SLC2A12: variants seen among roughly 807,000 people sequenced by gnomAD.
The protein encoded by SLC2A12 is solute carrier family 2 member 12.
SLC2A12 carries 23 observed loss-of-function variants against 41.8 expected under a neutral mutation model. The ratio of observed to expected loss-of-function variants is 0.55; its 90% confidence interval spans 0.40 to 0.78. The LOEUF is 0.78. SLC2A12 is among the 30% of genes least tolerant of loss of function. The pLI, the probability that SLC2A12 is intolerant of heterozygous loss-of-function variation, is 0.00. For missense variants in SLC2A12, 654 were observed against 745.6 expected (o/e 0.88, Z 1.43); for synonymous variants, 295 against 285.9 (o/e 1.03, Z -0.32).
At chr6:134,052,227 G>A in intron 1 of SLC2A12, 151 bp downstream of exon 1, 4 of 597,506 alleles carry the variant, frequency 6.7e-6, no homozygotes, top group Non-Finnish European at 1.1e-5. Flanking sequence ...CTCATCCAGC[G>A]CGCCCACATG....
intron 1 of SLC2A12, among the ~76,000 whole-genome samples, chr6:134,050,022 A>G (rs1464641829): frequency 6.6e-6 from 1 of 152,234 alleles, no homozygotes; most frequent in Non-Finnish European, 1.5e-5. Flanking sequence ...AATGTCTTAA[A>G]TGAAAACTAT....
intron 2 of SLC2A12, among the ~76,000 whole-genome samples, chr6:134,008,325 T>C (rs1228349594): frequency 2.0e-5 from 3 of 152,184 alleles, no homozygotes; most frequent in Non-Finnish European, 2.9e-5. Context: ...AAAAACTAAA[T>C]TGGATTGCAG....
At chr6:134,044,355 G>T (rs972248265) in intron 1 of SLC2A12, among the ~76,000 whole-genome samples, 1 of 152,120 alleles carries the variant, frequency 6.6e-6, no homozygotes, top group African/African-American at 2.4e-5. Flanking sequence ...CTCAGTATTT[G>T]CTGAATGGTT....
At chr6:134,022,561 AAGAAAAG>A (rs1777057826) in intron 2 of SLC2A12, among the ~76,000 whole-genome samples, 1 of 83,686 alleles carries the variant, frequency 1.2e-5, no homozygotes. Flanking sequence ...AAGAAAAGAA[AAGAAAAG>A]AAAAGAAAAG....
Position 134,052,366 on chromosome 6 carries a change from G to A in SLC2A12, c.103+12C>T, listed in dbSNP as rs568971594. The A allele has an allele frequency of 4.4e-6, 7 of 1,608,586 alleles. No homozygotes were observed. In the East Asian group the frequency reaches 1.6e-4, roughly 36 times the overall value. On this transcript the variant is annotated intron_variant, in intron 1 of 4. Coordinates refer to ENST00000275230, the MANE Select transcript of SLC2A12 (RefSeq NM_145176.3). ...TCTCTGCGGTCACCCGAGCACTGCAGGCTCACTTTACCTCTCGCCCAGGGA... is the reference window on the plus strand; with the variant it reads ...TCTCTGCGGTCACCCGAGCACTGCAAGCTCACTTTACCTCTCGCCCAGGGA...
At chr6:134,032,117 A>C (rs1011714252) in intron 1 of SLC2A12, among the ~76,000 whole-genome samples, 1 of 152,002 alleles carries the variant, frequency 6.6e-6, no homozygotes, top group African/African-American at 2.4e-5. Flanking sequence ...AAGCAGGTCA[A>C]ATAAAGGTGA....
chr6:134,001,625 T>C (rs1776755227), intron 4 of SLC2A12, among the ~76,000 whole-genome samples: 2 of 152,158 alleles, frequency 1.3e-5, no homozygotes, highest in African/African-American at 4.8e-5. Flanking sequence ...GCATTACAGT[T>C]TGATGATAAT....
chr6:134,027,067 C>A (rs1483263588), intron 2 of SLC2A12, among the ~76,000 whole-genome samples: 5 of 152,114 alleles, frequency 3.3e-5, no homozygotes, highest in Non-Finnish European at 5.9e-5. Flanking sequence ...GGTTGCTGAC[C>A]AGAAGGAGGC....
chr6:133,997,708 T>G (rs1175825813), intron 4 of SLC2A12, among the ~76,000 whole-genome samples: 1 of 152,168 alleles, frequency 6.6e-6, no homozygotes. Context: ...CTATGTTCAC[T>G]ACCTGGGTGA....
In SLC2A12 at chr6:134,031,220, C is replaced by T. The variant is rs538418578; in HGVS notation, c.104-1499G>A. On this transcript the variant is annotated intron_variant, in intron 1 of 4. Transcript: ENST00000275230. ...CAGCCTGGCCAACATGGCAAAACCC[C>T]ATCACTATTAAAAGTACAAAAATAG... is the stretch of plus-strand genomic sequence containing the variant. Among the ~76,000 whole-genome samples, 5 of 152,162 alleles carry T rather than the reference C, an allele frequency of 3.3e-5. No individual in the cohort carries two copies. The East Asian group carries it at 9.7e-4, about 29-fold the overall frequency.
intron 1 of SLC2A12, among the ~76,000 whole-genome samples, chr6:134,043,988 C>T (rs138023983): frequency 6.6e-6 from 1 of 152,128 alleles, no homozygotes; most frequent in Non-Finnish European, 1.5e-5. Context: ...TCTGTGCTCC[C>T]AGAATTCCGA....
At chr6:134,000,296 C>A (rs1180662343) in intron 4 of SLC2A12, among the ~76,000 whole-genome samples, 1 of 151,874 alleles carries the variant, frequency 6.6e-6, no homozygotes, top group Non-Finnish European at 1.5e-5. Context: ...AAAATTTAGA[C>A]CATCTAAAAG....
At chr6:133,997,405 A>G (rs1233145025) in intron 4 of SLC2A12, among the ~76,000 whole-genome samples, 1 of 152,254 alleles carries the variant, frequency 6.6e-6, no homozygotes, top group Non-Finnish European at 1.5e-5. Context: ...GAATCAACCC[A>G]GGTGTCCATG....
intron 1 of SLC2A12, among the ~76,000 whole-genome samples, chr6:134,044,225 A>G (rs1483512165): frequency 2.0e-5 from 3 of 152,064 alleles, no homozygotes; most frequent in Non-Finnish European, 2.9e-5. Flanking sequence ...TCCTCCATCA[A>G]AGGATTCCTG....
chr6:134,028,474 T>G lies in SLC2A12; in HGVS notation c.1351A>C (p.Thr451Pro), dbSNP rs768167177. 5 of 1,614,212 alleles carry G rather than the reference T, an allele frequency of 3.1e-6. No individual in the cohort carries two copies. The South Asian group carries it at 4.4e-5, about 14-fold the overall frequency. ...AAAGCTGGGACGTCCCCAGGGTCTGTGACTATCTGGTATTCAGTGTGGCTT... is the reference window on the plus strand; with the variant it reads ...AAAGCTGGGACGTCCCCAGGGTCTGGGACTATCTGGTATTCAGTGTGGCTT... ...GLSHTEYQIV[T>P]DPGDVPAFLK... Residue 451 changes from threonine to proline, a missense_variant, in exon 2 of 5, where the codon ACA (threonine) becomes CCA (proline). Physicochemically the swap from Thr to Pro is conservative, Grantham distance 38 (BLOSUM62 -1). This residue lies in a region of SLC2A12 where 411 missense variants were observed against 412.1 expected (regional missense o/e 1.00). Coordinates refer to ENST00000275230, the MANE Select transcript of SLC2A12 (RefSeq NM_145176.3).
In SLC2A12 at chr6:134,029,683, C is replaced by T. The variant is rs1216256385; in HGVS notation, c.142G>A (p.Ala48Thr). The change falls in exon 2 of 5, where the codon GCT becomes ACT. Residue 48 changes from alanine to threonine, a missense_variant. Transcript: ENST00000275230. The stretch of plus-strand genomic sequence containing the variant: ...TAACCCACCAGGAGGCCACTGACAG[C>T]AGCAGTGACAGATGACAGGAAGGTA... ...MFTFLSSVTA[A>T]VSGLLVGYEL... 1.2e-6 allele frequency: 2 copies of T among 1,607,854 alleles called. No individual in the cohort carries two copies. Among genetic ancestry groups the T allele is most frequent in the South Asian group, 1.1e-5 (1 of 90,992 alleles).
chr6:134,013,696 GTAATAA>G (rs750807886), intron 2 of SLC2A12, among the ~76,000 whole-genome samples: 175 of 152,146 alleles, frequency 1.2e-3, no homozygotes, highest in Non-Finnish European at 2.0e-3. Context: ...GAAGTTATTT[GTAATAA>G]TATAGTGCTG....
intron 3 of SLC2A12, among the ~76,000 whole-genome samples, chr6:134,006,567 A>C (rs376396691): frequency 4.1e-4 from 62 of 152,274 alleles, no homozygotes; most frequent in African/African-American, 1.5e-3. Context: ...GAAATTTTTC[A>C]GAAAAAACAA....
rs191938145 is a variant in SLC2A12, at chr6:133,998,675, G to A, written c.1700+3322C>T. ...CCTACCTCAGCTTCCTGAGTGGCTG[G>A]GACTACAGGCGCAAGCCACCATGCC... On this transcript the variant is annotated intron_variant, in intron 4 of 4. Transcript: ENST00000275230. 4.1e-3 allele frequency among the ~76,000 whole-genome samples: 622 copies of A among 152,276 alleles called. 5 individuals carry two copies. Among genetic ancestry groups the A allele is most frequent in the African/African-American group, 0.013 (552 of 41,552 alleles).
Sources: allele counts gnomAD v4.1 joint callset (sites outside exome capture counted in the v4.1 genomes callset), GRCh38; gene constraint gnomAD v4.1.1; regional missense constraint gnomAD v4.1.1; transcripts MANE v1.5; gene names NCBI Gene and HGNC (gene_info 2026-07-23, HGNC 2026-07-21).